Variants in ANTXR1 observed in about 807,000 individuals in gnomAD.
ANTXR1 encodes ANTXR cell adhesion molecule 1, also known as anthrax toxin receptor 1.
ANTXR1 carries 19 observed loss-of-function variants against 78.1 expected under a neutral mutation model. That is an observed-to-expected ratio of 0.24 (90% CI 0.17 to 0.36). The LOEUF is 0.36. ANTXR1 is among the 10% of genes least tolerant of loss of function. The pLI is 1.00. For missense variants in ANTXR1, 518 were observed against 718.6 expected (o/e 0.72, Z 3.19); for synonymous variants, 273 against 260.5 (o/e 1.05, Z -0.46).
chr2:69,122,818 C>T (rs2104375318), intron 10 of ANTXR1, among the ~76,000 whole-genome samples, 199 bp from the exon 11 acceptor site: 1 of 151,980 alleles, frequency 6.6e-6, no homozygotes, highest in Non-Finnish European at 1.5e-5. Context: ...TTGTTCAGTT[C>T]CCACCTGTGA....
chr2:69,096,109 T>A (rs1426282146), intron 9 of ANTXR1, among the ~76,000 whole-genome samples: 1 of 151,576 alleles, frequency 6.6e-6, no homozygotes, highest in Non-Finnish European at 1.5e-5. Context: ...ATACAAAAAA[T>A]GAGCCAGGCG....
At chr2:69,146,155 C>T (rs1382854822) in intron 12 of ANTXR1, 5 of 985,430 alleles carry the variant, frequency 5.1e-6, no homozygotes, top group Non-Finnish European at 6.0e-6. Flanking sequence ...TGTCTGCCTC[C>T]TTAATAGCGG....
chr2:69,105,788 A>G (rs58809907), intron 10 of ANTXR1, among the ~76,000 whole-genome samples: 2,903 of 152,214 alleles, frequency 0.019, 100 homozygotes, highest in African/African-American at 0.066. Flanking sequence ...GGAATTTGTG[A>G]CAAAAAGAGA....
At chr2:69,095,601 C>T (rs1220860707) in intron 9 of ANTXR1, among the ~76,000 whole-genome samples, 3 of 152,168 alleles carry the variant, frequency 2.0e-5, no homozygotes, top group Admixed American at 1.3e-4. Context: ...TGTATAGCTC[C>T]AGGAGACCAC....
At position 69,182,614 on chromosome 2, in the gene ANTXR1, A is replaced by G. The variant is rs142146785; in HGVS notation, c.1307A>G (p.Asn436Ser). The G allele has an allele frequency of 1.7e-5, 27 of 1,614,114 alleles. No homozygotes were observed. In the East Asian group the frequency reaches 5.3e-4, roughly 32 times the overall value. Residue 436 changes from asparagine to serine, a missense_variant, in exon 16 of 18, where the codon AAT (asparagine) becomes AGT (serine). Asn to Ser is a conservative substitution (Grantham distance 46, BLOSUM62 1). Coordinates refer to ENST00000303714, the MANE Select transcript of ANTXR1 (RefSeq NM_032208.3). ...EFPEPRNLNNNMRRPSSPRKW... is the reference protein window; with the variant it reads ...EFPEPRNLNNSMRRPSSPRKW... ...CCTGAGCCGCGAAATCTCAACAACA[A>G]TATGCGTCGGCCTTCTTCCCCCCGG... is the stretch of plus-strand genomic sequence containing the variant.
chr2:69,074,947 T>C (rs1670684164), intron 6 of ANTXR1, among the ~76,000 whole-genome samples: 1 of 152,210 alleles, frequency 6.6e-6, no homozygotes. Flanking sequence ...AAAATCTGGG[T>C]ATTATTCATT....
chr2:69,206,285 A>T (rs1335309264), intron 17 of ANTXR1, among the ~76,000 whole-genome samples: 2 of 152,244 alleles, frequency 1.3e-5, no homozygotes, highest in Non-Finnish European at 2.9e-5. Context: ...CAAGCTTTAA[A>T]TGGGAATAAA....
chr2:69,182,806 A>G (rs1309558277), intron 16 of ANTXR1, 146 bp downstream of exon 16: 3 of 1,041,242 alleles, frequency 2.9e-6, no homozygotes, highest in Non-Finnish European at 4.3e-6. Flanking sequence ...TGGACTTGAA[A>G]GTACTAGTAA....
chr2:69,166,667 T>G (rs532094701), intron 13 of ANTXR1, among the ~76,000 whole-genome samples: 1 of 152,248 alleles, frequency 6.6e-6, no homozygotes, highest in Non-Finnish European at 1.5e-5. Flanking sequence ...TTAAAATATT[T>G]TATTAACGAC....
At chr2:69,065,085 C>T (rs1473800561) in intron 3 of ANTXR1, among the ~76,000 whole-genome samples, 1 of 152,022 alleles carries the variant, frequency 6.6e-6, no homozygotes, top group Non-Finnish European at 1.5e-5. Context: ...TCACAAAGCT[C>T]AAAGTTGAGT....
rs77361982 is a variant in ANTXR1 at position 69,038,086 on chromosome 2, C to G, written c.153-1958C>G. Among the ~76,000 whole-genome samples, 1,479 of 152,242 alleles carry G rather than the reference C, an allele frequency of 9.7e-3. 22 individuals carry two copies. Among genetic ancestry groups the G allele is most frequent in the African/African-American group, 0.033 (1,384 of 41,536 alleles). On this transcript the variant is annotated intron_variant, in intron 1 of 17. Transcript: ENST00000303714. ...CAAGAATGGGATTAAAAACCACCCC[C>G]CTTCACAGCCTGCACCAGCACAGAG...
At chr2:69,055,673 T>G (rs1670047442) in intron 3 of ANTXR1, among the ~76,000 whole-genome samples, 1 of 152,104 alleles carries the variant, frequency 6.6e-6, no homozygotes, top group Admixed American at 6.6e-5. Flanking sequence ...GCATGTGTAT[T>G]CTATTCCATA....
chr2:69,141,515 G>GTTGT, intron 12 of ANTXR1, among the ~76,000 whole-genome samples: 1 of 152,282 alleles, frequency 6.6e-6, no homozygotes, highest in East Asian at 1.9e-4. Flanking sequence ...AGCAGTACCT[G>GTTGT]GTGTGCAGGA....
At chr2:69,170,221 C>T (rs1405653252) in intron 13 of ANTXR1, 27 bp from the exon 14 acceptor site, 1 of 1,613,934 alleles carries the variant, frequency 6.2e-7, no homozygotes, top group East Asian at 2.2e-5. Context: ...AGATTTTTCA[C>T]TGACCTGTTC....
At chr2:69,061,771 A>G (rs1200853338) in intron 3 of ANTXR1, among the ~76,000 whole-genome samples, 1 of 152,238 alleles carries the variant, frequency 6.6e-6, no homozygotes, top group Admixed American at 6.5e-5. Context: ...TTTTTAAGAT[A>G]AGAGATACTA....
At chr2:69,085,284 T>C (rs562388369) in intron 8 of ANTXR1, among the ~76,000 whole-genome samples, 2 of 152,300 alleles carry the variant, frequency 1.3e-5, no homozygotes, top group African/African-American at 4.8e-5. Flanking sequence ...GAAAAGGGGT[T>C]GAGGCCTTTA....
At chr2:69,168,829 C>A (rs184995960) in intron 13 of ANTXR1, among the ~76,000 whole-genome samples, 47 of 152,312 alleles carry the variant, frequency 3.1e-4, no homozygotes, top group African/African-American at 1.1e-3. Context: ...TTTCACCAGG[C>A]GTCTCACAGC....
intron 2 of ANTXR1, among the ~76,000 whole-genome samples, chr2:69,044,060 G>A (rs1295882317): frequency 4.6e-5 from 7 of 152,318 alleles, no homozygotes; most frequent in African/African-American, 1.4e-4. Context: ...TCGTCCTCAG[G>A]TGAGAGTGCT....
chr2:69,053,284 A>G (rs1015875238), intron 3 of ANTXR1, among the ~76,000 whole-genome samples: 4 of 152,192 alleles, frequency 2.6e-5, no homozygotes, highest in African/African-American at 9.7e-5. Flanking sequence ...GAAAATGAAA[A>G]CATTTATATG....
Sources: gnomAD v4.1 joint callset for allele counts (sites outside exome capture counted in the v4.1 genomes callset) on GRCh38, gnomAD v4.1.1 for gene constraint, MANE v1.5 for transcripts, NCBI Gene and HGNC (gene_info 2026-07-23, HGNC 2026-07-21) for gene names.